ATRNL1: variants seen among roughly 807,000 people sequenced by gnomAD.
ATRNL1 encodes attractin-like protein 1.
A neutral mutation model predicts 182.7 loss-of-function variants in ATRNL1; 95 were observed. That is an observed-to-expected ratio of 0.52 (90% CI 0.44 to 0.62). ATRNL1 has a LOEUF of 0.62. Among genes scored for constraint, ATRNL1 ranks in the 20% least tolerant of loss-of-function variants. The probability of loss-of-function intolerance (pLI) is 0.00; values close to 1 mark genes in which losing one functional copy is unlikely to be tolerated. For synonymous variants in ATRNL1, 576 were observed against 568.3 expected (o/e 1.01, Z -0.19); for missense variants, 1,471 against 1,679.5 (o/e 0.88, Z 2.17).
chr10:115,770,073 C>T lies in ATRNL1; in HGVS notation c.3903+42718C>T, dbSNP rs115220639. ...TATTCTCTTTCTTAAAGAAGACCTCCGAAGCTCCAAAAATTTCAGGTTTCA... is the reference window on the plus strand; with the variant it reads ...TATTCTCTTTCTTAAAGAAGACCTCTGAAGCTCCAAAAATTTCAGGTTTCA... On this transcript the variant is annotated intron_variant, in intron 27 of 28. Coordinates refer to ENST00000355044, the MANE Select transcript of ATRNL1 (RefSeq NM_207303.4). 2.1e-3 allele frequency among the ~76,000 whole-genome samples: 320 copies of T among 151,820 alleles called. 4 individuals are homozygous for T. Among genetic ancestry groups the T allele is most frequent in the African/African-American group, 7.3e-3 (302 of 41,398 alleles).
At chr10:115,758,141 A>T (rs1220271960) in intron 27 of ATRNL1, among the ~76,000 whole-genome samples, 1 of 151,804 alleles carries the variant, frequency 6.6e-6, no homozygotes, top group African/African-American at 2.4e-5. Context: ...GTTATTACCC[A>T]CCTTCTGAAG....
intron 26 of ATRNL1, among the ~76,000 whole-genome samples, chr10:115,630,827 T>TACACACACACACACAC (rs199640218): frequency 1.5e-5 from 2 of 129,838 alleles, no homozygotes; most frequent in Non-Finnish European, 3.3e-5. Context: ...ATATGTATTA[T>TACACACACACACACAC]ACACACACAC....
intron 17 of ATRNL1, among the ~76,000 whole-genome samples, chr10:115,304,684 C>T (rs189465981): frequency 5.3e-5 from 8 of 152,046 alleles, no homozygotes; most frequent in Non-Finnish European, 5.9e-5. Context: ...AGGTAGCCCT[C>T]GGAAAAAAAC....
At chr10:115,460,514 A>G (rs1409893810) in intron 21 of ATRNL1, among the ~76,000 whole-genome samples, 1 of 152,140 alleles carries the variant, frequency 6.6e-6, no homozygotes, top group Non-Finnish European at 1.5e-5. Context: ...CCTGTATTTG[A>G]CCACTTCCTG....
At chr10:115,758,101 A>G (rs1555072551) in intron 27 of ATRNL1, among the ~76,000 whole-genome samples, 1 of 151,938 alleles carries the variant, frequency 6.6e-6, no homozygotes, top group Non-Finnish European at 1.5e-5. Flanking sequence ...GCATTGGGTT[A>G]GAACATGCTT....
intron 27 of ATRNL1, among the ~76,000 whole-genome samples, chr10:115,739,927 T>C (rs2134093576): frequency 6.6e-6 from 1 of 152,332 alleles, no homozygotes; most frequent in African/African-American, 2.4e-5. Context: ...TATATCCTTT[T>C]TTCTGTTACA....
At chr10:115,648,301 A>T (rs1190319923) in intron 26 of ATRNL1, among the ~76,000 whole-genome samples, 1 of 152,194 alleles carries the variant, frequency 6.6e-6, no homozygotes, top group Non-Finnish European at 1.5e-5. Context: ...AGTGAAATAA[A>T]AGAGGACACA....
intron 26 of ATRNL1, among the ~76,000 whole-genome samples, chr10:115,654,295 C>T (rs554468730): frequency 5.9e-5 from 9 of 151,952 alleles, no homozygotes; most frequent in African/African-American, 1.9e-4. Context: ...TCTTGGCTCA[C>T]TGCAACCTCT....
intron 26 of ATRNL1, among the ~76,000 whole-genome samples, chr10:115,574,147 T>C (rs1376740671): frequency 6.6e-6 from 1 of 151,820 alleles, no homozygotes; most frequent in Non-Finnish European, 1.5e-5. Flanking sequence ...CAGTTTTATA[T>C]GTATAAGTAC....
At chr10:115,838,251 C>A (rs1278051951) in intron 27 of ATRNL1, among the ~76,000 whole-genome samples, 1 of 152,110 alleles carries the variant, frequency 6.6e-6, no homozygotes, top group Non-Finnish European at 1.5e-5. Flanking sequence ...CTTGAAATTG[C>A]AAAGGCTACT....
At chr10:115,796,180 G>A (rs1024804454) in intron 27 of ATRNL1, among the ~76,000 whole-genome samples, 5 of 151,720 alleles carry the variant, frequency 3.3e-5, no homozygotes, top group Admixed American at 6.6e-5. Flanking sequence ...TGGAGATGCC[G>A]TCATCACCCT....
chr10:115,497,715 T>A (rs1849620503), intron 24 of ATRNL1, among the ~76,000 whole-genome samples: 1 of 151,764 alleles, frequency 6.6e-6, no homozygotes, highest in Non-Finnish European at 1.5e-5. Context: ...TGGAGTGCAG[T>A]GGCGCAATCT....
chr10:115,735,668 A>G (rs1008066035), intron 27 of ATRNL1, among the ~76,000 whole-genome samples: 2 of 152,190 alleles, frequency 1.3e-5, no homozygotes, highest in African/African-American at 2.4e-5. Flanking sequence ...TGATACTACA[A>G]AGCTGATGTG....
At chr10:115,539,684 A>G (rs540818685) in intron 25 of ATRNL1, among the ~76,000 whole-genome samples, 4 of 152,288 alleles carry the variant, frequency 2.6e-5, no homozygotes, top group African/African-American at 7.2e-5. Context: ...TCACTCACCC[A>G]TACCCCAGGC....
intron 20 of ATRNL1, among the ~76,000 whole-genome samples, chr10:115,395,161 T>C (rs1844223380): frequency 6.6e-6 from 1 of 151,928 alleles, no homozygotes; most frequent in Admixed American, 6.6e-5. Flanking sequence ...TAGGATAATG[T>C]ATCCATGTGG....
At chr10:115,662,404 G>A (rs1436502104) in intron 26 of ATRNL1, among the ~76,000 whole-genome samples, 3 of 151,984 alleles carry the variant, frequency 2.0e-5, no homozygotes, top group East Asian at 1.9e-4. Context: ...TCAGTGTGGC[G>A]ATTCCTCAGG....
At chr10:115,179,179 T>C (rs1348172324) in intron 8 of ATRNL1, among the ~76,000 whole-genome samples, 1 of 152,156 alleles carries the variant, frequency 6.6e-6, no homozygotes, top group African/African-American at 2.4e-5. Flanking sequence ...TAGTGGTGAC[T>C]CATAACATGC....
At chr10:115,708,912 T>C (rs570252159) in intron 26 of ATRNL1, among the ~76,000 whole-genome samples, 1 of 151,966 alleles carries the variant, frequency 6.6e-6, no homozygotes, top group African/African-American at 2.4e-5. Flanking sequence ...GAATATAATT[T>C]GCTTAGTTAT....
intron 27 of ATRNL1, among the ~76,000 whole-genome samples, chr10:115,736,216 CCTT>C (rs1238035073): frequency 2.0e-5 from 3 of 152,256 alleles, no homozygotes; most frequent in East Asian, 3.9e-4. Context: ...TTTTCTATCT[CCTT>C]CTCAATGCTG....
Sources: gnomAD v4.1 joint callset for allele counts (sites outside exome capture counted in the v4.1 genomes callset) on GRCh38, gnomAD v4.1.1 for gene constraint, MANE v1.5 for transcripts, NCBI Gene and HGNC (gene_info 2026-07-23, HGNC 2026-07-21) for gene names.